The following C4orf50 variants were observed in gnomAD, a reference collection of about 807,000 sequenced individuals.
C4orf50 encodes uncharacterized protein C4orf50.
A neutral mutation model predicts 77.2 loss-of-function variants in C4orf50; 80 were observed. That is an observed-to-expected ratio of 1.04 (90% confidence interval 0.87 to 1.25). The LOEUF is 1.25. C4orf50 is among the 50% of genes most tolerant of loss of function. The probability of loss-of-function intolerance (pLI) is 0.00; values close to 1 mark genes in which losing one functional copy is unlikely to be tolerated. For missense variants in C4orf50, 1,257 were observed against 1,152.9 expected, an observed-to-expected ratio of 1.09 and a Z score of -1.31; for synonymous variants, 532 against 465.3, an observed-to-expected ratio of 1.14 and a Z score of -1.84.
intron 28 of C4orf50, among the ~76,000 whole-genome samples, chr4:5,986,816 C>T (rs915573179): frequency 6.6e-6 from 1 of 152,074 alleles, no homozygotes; most frequent in Non-Finnish European, 1.5e-5. Flanking sequence ...GGATTACAGG[C>T]ATGAGCCACC....
chr4:5,951,498 C>A (rs1718715351), intron 7 of C4orf50, among the ~76,000 whole-genome samples: 2 of 152,110 alleles, frequency 1.3e-5, no homozygotes, highest in South Asian at 4.1e-4. Context: ...GATTACCCTG[C>A]AAACCAACAC....
intron 33 of C4orf50, among the ~76,000 whole-genome samples, chr4:5,964,379 T>A (rs1287004473): frequency 1.3e-5 from 2 of 152,184 alleles, no homozygotes; most frequent in Non-Finnish European, 2.9e-5. Flanking sequence ...TGACCTGCCC[T>A]GAGCAGAACA....
intron 29 of C4orf50, among the ~76,000 whole-genome samples, chr4:5,977,029 G>A (rs1720327271): frequency 6.6e-6 from 1 of 152,198 alleles, no homozygotes; most frequent in Admixed American, 6.5e-5. Context: ...AATTCCAGGT[G>A]CCCTCTGGGG....
rs1206797103 is a variant in C4orf50, at chr4:5,989,312, GC to G, written c.2733del (p.Pro912LeufsTer11). On this transcript the variant is annotated frameshift_variant, in exon 28 of 34. Coordinates refer to ENST00000531445, the Ensembl canonical transcript of C4orf50. LOFTEE classifies it high-confidence loss of function. ...TCGAGGGCACCCCAGGGCTCAGCAG[GC>G]CCCTGTGGAGGGTTTGGGCTGGCTT... is the stretch of plus-strand genomic sequence containing the variant. 6.5e-7 allele frequency: 1 copy of G among 1,536,026 alleles called. No homozygotes were observed. Among genetic ancestry groups the G allele is most frequent in the Non-Finnish European group, 8.7e-7 (1 of 1,146,900 alleles).
intron 33 of C4orf50, among the ~76,000 whole-genome samples, chr4:5,964,424 C>T (rs1047092987): frequency 7.5e-6 from 1 of 133,206 alleles, no homozygotes; most frequent in African/African-American, 2.9e-5. Context: ...TACTGTCAGG[C>T]CTCAAATTGT....
At chr4:6,003,914 T>C (rs1722001598) in intron 25 of C4orf50, among the ~76,000 whole-genome samples, 2 of 136,164 alleles carry the variant, frequency 1.5e-5, no homozygotes, top group Admixed American at 7.6e-5. Context: ...GTGATGTTGA[T>C]GATGGTGGTG....
chr4:5,941,344 G>C (rs1348921602), intron 7 of C4orf50, among the ~76,000 whole-genome samples: 1 of 152,166 alleles, frequency 6.6e-6, no homozygotes, highest in African/African-American at 2.4e-5. Context: ...TACAGTTGCA[G>C]AGCTTGCCAG....
rs1353899134 is a variant in C4orf50 at position 5,970,675 on chromosome 4, A to G, written c.4104+2984T>C. ...GGACAAGAAAAGAAAATGGAAATACAAAGACTCAGTCACGTGCAGGGAGGG... is the reference window on the plus strand; with the variant it reads ...GGACAAGAAAAGAAAATGGAAATACGAAGACTCAGTCACGTGCAGGGAGGG... On this transcript the variant is annotated intron_variant, in intron 31 of 33. Transcript: ENST00000531445. The surrounding 1 kb of genome is among the most constrained non-coding windows in gnomAD (Gnocchi z 4.3). Among the ~76,000 whole-genome samples the G allele has an allele frequency of 6.6e-6, 1 of 152,204 alleles. No individual in the cohort carries two copies. Among genetic ancestry groups the G allele is most frequent in the East Asian group, 1.9e-4 (1 of 5,178 alleles).
rs79870051 is a variant in C4orf50 at position 5,919,650 on chromosome 4, A to G, written c.*2475-21462T>C. Among the ~76,000 whole-genome samples, 202 of 152,244 alleles carry G rather than the reference A, an allele frequency of 1.3e-3. 1 individual carries two copies. The highest frequency in any genetic ancestry group is 4.6e-3 in the African/African-American group (193 of 41,542). On this transcript the variant is annotated intron_variant, in intron 7 of 7. Transcript: ENST00000324058. This position sits in a 1 kb window ranked among gnomAD's most constrained non-coding sequence, Gnocchi z 6.5. ...TTAACCCCAGGTCAGCAAACGCCACACTGAGACACTGAGTAGTCAGGCCTT... is the reference window on the plus strand; with the variant it reads ...TTAACCCCAGGTCAGCAAACGCCACGCTGAGACACTGAGTAGTCAGGCCTT...
At chr4:5,902,216 C>T (rs1404576048) in intron 7 of C4orf50, 1 of 152,234 alleles carries the variant, frequency 6.6e-6, no homozygotes, top group East Asian at 1.9e-4. Context: ...AAACAGATCT[C>T]TGCTGGGGAA....
At chr4:5,990,305 G>C (rs1480607217) in exon 28 of C4orf50, 2 of 1,065,316 alleles carry the variant, frequency 1.9e-6, no homozygotes, top group Non-Finnish European at 2.4e-6. Context: ...TCCTGACTTA[G>C]CTGGTACTTG....
Position 6,004,302 on chromosome 4 carries a change from TGG to T in C4orf50, c.963+3692_963+3693del, listed in dbSNP as rs1248918360. On this transcript the variant is annotated intron_variant, in intron 25 of 33. Transcript: ENST00000531445. ...ATGGTGATGTTGGTGATGATGGTGA[TGG>T]TGGTGATGATGTGATCGTAATGGTG... 1.2e-3 allele frequency among the ~76,000 whole-genome samples: 83 copies of T among 68,006 alleles called. 8 individuals are homozygous for T. The highest frequency in any genetic ancestry group is 5.6e-3 in the South Asian group (7 of 1,248). 44.6% of individuals were successfully genotyped at this position (68,006 alleles called of 152,430 possible).
intron 7 of C4orf50, among the ~76,000 whole-genome samples, chr4:5,945,551 A>C (rs1220947100): frequency 6.6e-6 from 1 of 152,114 alleles, no homozygotes. Context: ...AATGAGTCGC[A>C]GGGCCCTGTG....
chr4:5,965,286 CCT>C, intron 32 of C4orf50, 141 bp from the exon 11 acceptor site: 1 of 789,962 alleles, frequency 1.3e-6, no homozygotes, highest in Non-Finnish European at 2.0e-6. Flanking sequence ...GGGCAGAGGT[CCT>C]CTCAGATGCC....
At chr4:6,004,293 TGATG>T (rs1321772479) in intron 25 of C4orf50, among the ~76,000 whole-genome samples, 6 of 65,766 alleles carry the variant, frequency 9.1e-5, no homozygotes, top group African/African-American at 3.5e-4. Context: ...ATGTTGGTGA[TGATG>T]GTGATGGTGG....
intron 7 of C4orf50, among the ~76,000 whole-genome samples, chr4:5,913,815 C>T (rs534843454): frequency 3.3e-5 from 5 of 152,312 alleles, no homozygotes; most frequent in African/African-American, 1.2e-4. Flanking sequence ...TAACTTTTAG[C>T]ACAAGTTTGA....
At chr4:5,964,033 GT>G (rs11355094) in intron 33 of C4orf50, among the ~76,000 whole-genome samples, 107,174 of 152,074 alleles carry the variant, frequency 0.7, 39,059 homozygotes, top group African/African-American at 0.85. Flanking sequence ...AGGGGGAAAC[GT>G]TAACAGAACA....
chr4:5,910,648 C>T (rs920206560), intron 7 of C4orf50, among the ~76,000 whole-genome samples: 1 of 152,168 alleles, frequency 6.6e-6, no homozygotes, highest in African/African-American at 2.4e-5. Flanking sequence ...GTGGCCTCCC[C>T]AGTTCCTCAA....
intron 7 of C4orf50, among the ~76,000 whole-genome samples, chr4:5,946,061 G>A (rs1303394509): frequency 2.6e-5 from 4 of 152,222 alleles, no homozygotes; most frequent in African/African-American, 9.6e-5. Context: ...GCTCCTCTAT[G>A]GCAGACCCCG....
Sources: gnomAD v4.1 joint callset for allele counts (sites outside exome capture counted in the v4.1 genomes callset) on GRCh38, gnomAD v4.1.1 for gene constraint, Gnocchi (gnomAD v3.1) non-coding constraint, MANE v1.5 for transcripts, NCBI Gene and HGNC (gene_info 2026-07-23, HGNC 2026-07-21) for gene names.